Variants in SDK1 observed in about 807,000 individuals in gnomAD.
SDK1 encodes the protein protein sidekick-1.
In SDK1, 157 loss-of-function variants were observed where a neutral mutation model predicts 245.5. The observed-to-expected ratio is 0.64, with a 90% confidence interval of 0.56 to 0.73. The LOEUF is 0.73. Among genes scored for constraint, SDK1 ranks in the 30% least tolerant of loss-of-function variants. SDK1 has a pLI of 0.00. For missense variants in SDK1, 3,583 were observed against 3,002.3 expected (o/e 1.19, Z -4.52); for synonymous variants, 1,647 against 1,278.5 (o/e 1.29, Z -6.15).
intron 22 of SDK1, among the ~76,000 whole-genome samples, chr7:4,107,585 C>G (rs992968994): frequency 6.6e-6 from 1 of 152,114 alleles, no homozygotes; most frequent in African/African-American, 2.4e-5. Context: ...AGGAGCCCAC[C>G]TAAGTCACCG....
At chr7:3,483,208 G>T (rs971031473) in intron 1 of SDK1, among the ~76,000 whole-genome samples, 1 of 152,174 alleles carries the variant, frequency 6.6e-6, no homozygotes, top group Non-Finnish European at 1.5e-5. Context: ...CATCTTTACA[G>T]TATTGAGTCC....
chr7:3,723,796 A>G (rs975601026), intron 4 of SDK1, among the ~76,000 whole-genome samples: 7 of 140,182 alleles, frequency 5.0e-5, no homozygotes, highest in Non-Finnish European at 1.1e-4. Flanking sequence ...GTACTTATAC[A>G]TATACACGTG....
chr7:3,750,985 C>T (rs1164697865), intron 4 of SDK1, among the ~76,000 whole-genome samples: 1 of 152,206 alleles, frequency 6.6e-6, no homozygotes, highest in Non-Finnish European at 1.5e-5. Context: ...AGAATCTTTA[C>T]CTTTTGAGAA....
chr7:3,424,371 C>A (rs1172932429), intron 1 of SDK1, among the ~76,000 whole-genome samples: 1 of 152,132 alleles, frequency 6.6e-6, no homozygotes, highest in Admixed American at 6.5e-5. Flanking sequence ...TCTGTGGAAA[C>A]ATATTCCTAA....
At chr7:3,855,059 A>G (rs1406600448) in intron 5 of SDK1, among the ~76,000 whole-genome samples, 1 of 152,122 alleles carries the variant, frequency 6.6e-6, no homozygotes, top group Admixed American at 6.5e-5. Context: ...CACTTGTGAC[A>G]GCTATCAGTA....
intron 1 of SDK1, among the ~76,000 whole-genome samples, chr7:3,449,893 G>C (rs1055289852): frequency 6.6e-6 from 1 of 152,180 alleles, no homozygotes; most frequent in Non-Finnish European, 1.5e-5. Context: ...CATCATTGCA[G>C]AACTGTTTAT....
intron 1 of SDK1, among the ~76,000 whole-genome samples, chr7:3,427,929 A>C (rs569885096): frequency 2.7e-4 from 41 of 150,458 alleles, no homozygotes; most frequent in African/African-American, 9.3e-4. Flanking sequence ...TGTCATTCCC[A>C]TAGTCAGCTA....
In SDK1 at chr7:4,114,950, G is replaced by A. The variant is rs145865980; in HGVS notation, c.3823+676G>A. Reference sequence around the variant, plus strand: ...ATGGGGCTCTGCCAGTTGCCAGGAAGCAATGGAGCAGTGTTTTTGGCCAAC... The same window carrying A: ...ATGGGGCTCTGCCAGTTGCCAGGAAACAATGGAGCAGTGTTTTTGGCCAAC... On this transcript the variant is annotated intron_variant, in intron 25 of 44. Coordinates refer to ENST00000404826, the MANE Select transcript of SDK1 (RefSeq NM_152744.4). Among the ~76,000 whole-genome samples, 460 of 152,346 alleles carry A rather than the reference G, an allele frequency of 3.0e-3. 6 individuals carry two copies. The highest frequency in any genetic ancestry group is 0.011 in the African/African-American group (439 of 41,586).
chr7:4,191,353 C>T (rs951320144), intron 35 of SDK1, among the ~76,000 whole-genome samples: 12 of 152,232 alleles, frequency 7.9e-5, no homozygotes, highest in Non-Finnish European at 1.2e-4. Flanking sequence ...ACCTTGGTGG[C>T]GGGCTGGTAG....
intron 35 of SDK1, among the ~76,000 whole-genome samples, chr7:4,201,706 ACACC>A (rs777353851): frequency 2.6e-5 from 4 of 151,914 alleles, no homozygotes; most frequent in Non-Finnish European, 5.9e-5. Flanking sequence ...GTGACAGCAG[ACACC>A]CAGCATGGCA....
chr7:3,514,558 G>T (rs568126982), intron 1 of SDK1, among the ~76,000 whole-genome samples: 4 of 152,104 alleles, frequency 2.6e-5, no homozygotes, highest in African/African-American at 9.7e-5. Flanking sequence ...CATTCACCTC[G>T]TGTGTCTCGT....
At chr7:3,382,274 AT>A (rs955808006) in intron 1 of SDK1, among the ~76,000 whole-genome samples, 56 of 151,936 alleles carry the variant, frequency 3.7e-4, no homozygotes, top group African/African-American at 1.2e-3. Flanking sequence ...CCCACCCTTT[AT>A]CCCCATTTTA....
chr7:4,162,171 C>T (rs1781175929), intron 32 of SDK1, among the ~76,000 whole-genome samples: 1 of 152,058 alleles, frequency 6.6e-6, no homozygotes, highest in South Asian at 2.1e-4. Flanking sequence ...TATGTCTTGG[C>T]ATTTCACCGA....
In SDK1 at chr7:4,265,359, T is replaced by G; in HGVS notation, c.6617T>G (p.Leu2206Arg). 2.1e-6 allele frequency: 3 copies of G among 1,452,820 alleles called. No homozygotes were observed. Among genetic ancestry groups the G allele is most frequent in the Non-Finnish European group, 2.7e-6 (3 of 1,115,588 alleles). The allele number at this position is 1,452,820 out of a possible 1,614,324, so 90.0% of individuals were successfully genotyped here. A position where few individuals can be genotyped will look rare whatever the true frequency, so the allele number is the denominator to read the frequency against. ...GCTGGCCCCGGCGCGCGAACTCCGCTCACCGGCTTCTCCTCCTTCGTGTGA... is the reference window on the plus strand; with the variant it reads ...GCTGGCCCCGGCGCGCGAACTCCGCGCACCGGCTTCTCCTCCTTCGTGTGA... Reference protein sequence around the residue: ...TPAGPGARTPLTGFSSFV With the variant: ...TPAGPGARTPRTGFSSFV The change falls in exon 45 of 45, where the codon CTC becomes CGC. Residue 2206 changes from leucine to arginine, a missense_variant. Leu to Arg is a moderately radical substitution (Grantham distance 102, BLOSUM62 -2). Coordinates refer to ENST00000404826, the MANE Select transcript of SDK1 (RefSeq NM_152744.4).
chr7:4,039,334 AT>A (rs1386703680), intron 17 of SDK1, among the ~76,000 whole-genome samples: 2 of 152,152 alleles, frequency 1.3e-5, no homozygotes, highest in Non-Finnish European at 2.9e-5. Flanking sequence ...TGATGGGAAA[AT>A]ATCTCTCTAT....
chr7:3,998,042 A>C (rs980447399), intron 14 of SDK1, among the ~76,000 whole-genome samples: 1 of 152,224 alleles, frequency 6.6e-6, no homozygotes, highest in Non-Finnish European at 1.5e-5. Flanking sequence ...AGCTGTGCCC[A>C]AGAGGGCAGG....
chr7:3,916,712 A>G (rs117484418), intron 5 of SDK1, among the ~76,000 whole-genome samples: 1,534 of 152,306 alleles, frequency 0.01, 10 homozygotes, highest in Non-Finnish European at 0.016. Flanking sequence ...TTTTTTGAAT[A>G]ATTATGTATT....
Position 4,110,653 on chromosome 7 carries a change from C to T in SDK1, c.3325-10C>T, listed in dbSNP as rs1395565314. 6.3e-7 allele frequency: 1 copy of T among 1,595,456 alleles called. No individual in the cohort carries two copies. The highest frequency in any genetic ancestry group is 1.7e-5 in the Admixed American group (1 of 59,980). On this transcript the variant is annotated splice_polypyrimidine_tract_variant and intron_variant, in intron 22 of 44. Transcript: ENST00000404826. ...ATGTCCAGCCCATCTCAGTGTCTCCCTCTGCACAGGTGGGAGCTATCGGCG... is the reference window on the plus strand; with the variant it reads ...ATGTCCAGCCCATCTCAGTGTCTCCTTCTGCACAGGTGGGAGCTATCGGCG...
At chr7:3,906,694 C>G (rs181755182) in intron 5 of SDK1, among the ~76,000 whole-genome samples, 1 of 124,118 alleles carries the variant, frequency 8.1e-6, no homozygotes, top group East Asian at 2.8e-4. Context: ...GTGGCAAGAT[C>G]TCGGCTCACT....
Sources: gnomAD v4.1 joint callset for allele counts (sites outside exome capture counted in the v4.1 genomes callset) on GRCh38, gnomAD v4.1.1 for gene constraint, MANE v1.5 for transcripts, NCBI Gene and HGNC (gene_info 2026-07-23, HGNC 2026-07-21) for gene names.